TNNI3K: variants seen among roughly 807,000 people sequenced by gnomAD.
TNNI3K encodes the protein serine/threonine-protein kinase TNNI3K.
In TNNI3K, 140 loss-of-function variants were observed where a neutral mutation model predicts 114.5. That is an observed-to-expected ratio of 1.22 (90% CI 1.07 to 1.41). The LOEUF (loss-of-function observed/expected upper bound fraction) is 1.41. TNNI3K is among the 40% of genes most tolerant of loss of function. TNNI3K has a pLI of 0.00. For missense variants in TNNI3K, 1,125 were observed against 1,007.6 expected (o/e 1.12, Z -1.58); for synonymous variants, 347 against 347.5 (o/e 1.00, Z 0.02).
At chr1:74,494,747 A>G (rs1429078639) in intron 23 of TNNI3K, among the ~76,000 whole-genome samples, 2 of 152,242 alleles carry the variant, frequency 1.3e-5, no homozygotes, top group Non-Finnish European at 2.9e-5. Context: ...TTGTCAAGTT[A>G]TTTAAATCTC....
intron 2 of TNNI3K, among the ~76,000 whole-genome samples, chr1:74,241,349 C>T (rs543305549): frequency 2.0e-5 from 3 of 152,332 alleles, no homozygotes; most frequent in African/African-American, 7.2e-5. Flanking sequence ...CCTGAGGAAT[C>T]ATCACACTGA....
intron 4 of TNNI3K, among the ~76,000 whole-genome samples, chr1:74,265,364 C>T (rs1655907887): frequency 6.6e-6 from 1 of 151,948 alleles, no homozygotes; most frequent in Non-Finnish European, 1.5e-5. Context: ...AAAGGAGTGC[C>T]ACACGGGCTA....
At chr1:74,400,215 T>G (rs1664289453) in intron 17 of TNNI3K, among the ~76,000 whole-genome samples, 1 of 152,130 alleles carries the variant, frequency 6.6e-6, no homozygotes, top group Admixed American at 6.5e-5. Flanking sequence ...GAGGAAGGGA[T>G]CCCATGGGAT....
chr1:74,248,597 A>G (rs188302013), intron 2 of TNNI3K, among the ~76,000 whole-genome samples: 1 of 152,336 alleles, frequency 6.6e-6, no homozygotes, highest in African/African-American at 2.4e-5. Flanking sequence ...TTTTTGAAGT[A>G]TAACTCTTGG....
chr1:74,385,675 A>G (rs1443221223), intron 17 of TNNI3K, among the ~76,000 whole-genome samples: 1 of 152,208 alleles, frequency 6.6e-6, no homozygotes, highest in Non-Finnish European at 1.5e-5. Flanking sequence ...CACTGAGGTC[A>G]ACATAGCTGT....
At chr1:74,309,129 G>C (rs1203778048) in intron 5 of TNNI3K, among the ~76,000 whole-genome samples, 1 of 151,822 alleles carries the variant, frequency 6.6e-6, no homozygotes, top group African/African-American at 2.4e-5. Context: ...AGCACTTTGG[G>C]AGGCCGAGGT....
At chr1:74,236,548 A>C (rs1653870615) in intron 2 of TNNI3K, among the ~76,000 whole-genome samples, 1 of 151,832 alleles carries the variant, frequency 6.6e-6, no homozygotes, top group Admixed American at 6.6e-5. Context: ...AATGAAAAGC[A>C]AGATTTTTCT....
At chr1:74,307,389 A>G (rs1001416052) in intron 5 of TNNI3K, among the ~76,000 whole-genome samples, 1 of 152,182 alleles carries the variant, frequency 6.6e-6, no homozygotes, top group Non-Finnish European at 1.5e-5. Context: ...CCCATCTTGC[A>G]TGTGATGGGT....
At chr1:74,270,668 T>G (rs1656287670) in intron 4 of TNNI3K, among the ~76,000 whole-genome samples, 1 of 151,776 alleles carries the variant, frequency 6.6e-6, no homozygotes, top group Non-Finnish European at 1.5e-5. Flanking sequence ...GTATTTGATG[T>G]TATATGTATG....
chr1:74,397,792 G>GA (rs1340554369), intron 17 of TNNI3K, among the ~76,000 whole-genome samples: 5 of 152,148 alleles, frequency 3.3e-5, no homozygotes, highest in African/African-American at 1.2e-4. Context: ...TGGCTATGCT[G>GA]TCATTGATGG....
intron 5 of TNNI3K, among the ~76,000 whole-genome samples, chr1:74,307,853 C>T (rs995409914): frequency 2.6e-5 from 4 of 152,116 alleles, no homozygotes; most frequent in Admixed American, 1.3e-4. Flanking sequence ...ATCCCAGCTA[C>T]TCGGAAGGTT....
At chr1:74,439,977 T>C (rs1051320630) in intron 20 of TNNI3K, among the ~76,000 whole-genome samples, 2 of 152,094 alleles carry the variant, frequency 1.3e-5, no homozygotes, top group African/African-American at 4.8e-5. Flanking sequence ...AATTGCCCTT[T>C]TAACATGTAT....
At chr1:74,457,596 ACAAT>A (rs764849934) in intron 20 of TNNI3K, among the ~76,000 whole-genome samples, 2 of 152,208 alleles carry the variant, frequency 1.3e-5, no homozygotes, top group Non-Finnish European at 2.9e-5. Flanking sequence ...ACACATAAAC[ACAAT>A]CAAAGTTGAA....
chr1:74,490,473 T>C (rs1669011647), intron 22 of TNNI3K, among the ~76,000 whole-genome samples: 1 of 152,232 alleles, frequency 6.6e-6, no homozygotes, highest in Non-Finnish European at 1.5e-5. Context: ...GAATCCACCA[T>C]GATAGGATCT....
chr1:74,370,018 A>G (rs1006103904), intron 16 of TNNI3K: 1 of 251,100 alleles, frequency 4.0e-6, no homozygotes, highest in African/African-American at 2.2e-5. Context: ...TCATTTTACA[A>G]TATTACAAAG....
At chr1:74,391,959 T>TA (rs1348808121) in intron 17 of TNNI3K, among the ~76,000 whole-genome samples, 1,523 of 99,758 alleles carry the variant, frequency 0.015, 57 homozygotes, top group African/African-American at 0.07. Context: ...AGCTTATTAT[T>TA]TTTTTTTTTT....
intron 17 of TNNI3K, among the ~76,000 whole-genome samples, chr1:74,409,297 A>T (rs1664767072): frequency 6.6e-6 from 1 of 152,138 alleles, no homozygotes; most frequent in Admixed American, 6.6e-5. Context: ...TATGACAAAG[A>T]GCCATCCAAA....
intron 23 of TNNI3K, among the ~76,000 whole-genome samples, chr1:74,494,795 T>A (rs1269754627): frequency 6.6e-6 from 1 of 152,054 alleles, no homozygotes; most frequent in Non-Finnish European, 1.5e-5. Context: ...GATCTTAGAG[T>A]TGTTTTAAGG....
At chr1:74,518,375 T>C (rs976296718) in intron 23 of TNNI3K, among the ~76,000 whole-genome samples, 1 of 152,178 alleles carries the variant, frequency 6.6e-6, no homozygotes, top group Non-Finnish European at 1.5e-5. Flanking sequence ...TTTTTATTTA[T>C]GAGATTTCCA....
Sources: gnomAD v4.1 joint callset for allele counts (sites outside exome capture counted in the v4.1 genomes callset) on GRCh38, gnomAD v4.1.1 for gene constraint, MANE v1.5 for transcripts, NCBI Gene and HGNC (gene_info 2026-07-23, HGNC 2026-07-21) for gene names.